DIP2B: variants seen among roughly 807,000 people sequenced by gnomAD.
DIP2B encodes the protein disco-interacting protein 2 homolog B.
Under a neutral mutation model 198.0 loss-of-function variants are expected in DIP2B, and 76 were observed. That is an observed-to-expected ratio of 0.38 (90% CI 0.32 to 0.46). DIP2B has a LOEUF of 0.46. Ranked by LOEUF, DIP2B falls within the 20% of genes least tolerant of loss-of-function variation. The pLI is 0.99. For missense variants in DIP2B, 1,559 were observed against 1,978.4 expected, an observed-to-expected ratio of 0.79 and a Z score of 4.02; for synonymous variants, 701 against 739.1, an observed-to-expected ratio of 0.95 and a Z score of 0.84.
intron 1 of DIP2B, among the ~76,000 whole-genome samples, chr12:50,591,824 C>T (rs531124962): frequency 1.9e-4 from 29 of 151,498 alleles, no homozygotes; most frequent in African/African-American, 3.9e-4. Flanking sequence ...TGCTATTTTA[C>T]GTATCAGGGG....
intron 5 of DIP2B, 55 bp downstream of exon 5, chr12:50,671,453 A>T (rs1938853079): frequency 6.4e-7 from 1 of 1,565,722 alleles, no homozygotes; most frequent in African/African-American, 1.4e-5. Flanking sequence ...GGCTCCCAGT[A>T]TCCAGGAAAT....
intron 21 of DIP2B, 41 bp downstream of exon 21, chr12:50,706,706 A>T (rs1157133687): frequency 1.2e-6 from 2 of 1,603,804 alleles, no homozygotes; most frequent in African/African-American, 1.3e-5. Flanking sequence ...CTTTTAATGG[A>T]ATCTAAATAC....
At chr12:50,576,509 C>A (rs571519519) in intron 1 of DIP2B, among the ~76,000 whole-genome samples, 2 of 149,022 alleles carry the variant, frequency 1.3e-5, no homozygotes, top group Admixed American at 6.7e-5. Context: ...GACCAAGTCT[C>A]GCTCTGTCGC....
intron 1 of DIP2B, among the ~76,000 whole-genome samples, chr12:50,556,142 T>C (rs1958469103): frequency 6.6e-6 from 1 of 151,918 alleles, no homozygotes; most frequent in South Asian, 2.1e-4. Flanking sequence ...CTCTGCCTCC[T>C]GGGTTCAAGC....
At chr12:50,550,719 ATAC>A in intron 1 of DIP2B, among the ~76,000 whole-genome samples, 1 of 152,186 alleles carries the variant, frequency 6.6e-6, no homozygotes, top group East Asian at 1.9e-4. Context: ...CAGTTAGTAA[ATAC>A]TACTGTAGCC....
intron 18 of DIP2B, 32 bp from the exon 19 acceptor site, chr12:50,699,034 T>C (rs778751682): frequency 1.2e-6 from 2 of 1,603,834 alleles, no homozygotes; most frequent in Non-Finnish European, 8.5e-7. Context: ...TCTAGAATCT[T>C]TGTCCTTTAA....
At chr12:50,563,208 A>C (rs559251663) in intron 1 of DIP2B, among the ~76,000 whole-genome samples, 3 of 152,096 alleles carry the variant, frequency 2.0e-5, no homozygotes, top group Non-Finnish European at 4.4e-5. Context: ...TTCTTCTGAG[A>C]TATGGTCTCT....
intron 36 of DIP2B, among the ~76,000 whole-genome samples, chr12:50,740,191 C>T (rs1285387795): frequency 6.6e-6 from 1 of 152,234 alleles, no homozygotes; most frequent in African/African-American, 2.4e-5. Context: ...CTATATCCTG[C>T]ACTTGAAGAA....
At chr12:50,617,056 T>G (rs2253376) in intron 1 of DIP2B, among the ~76,000 whole-genome samples, 145,689 of 152,236 alleles carry the variant, frequency 0.96, 70,051 homozygotes, top group East Asian at 1. Context: ...AAATTTACAT[T>G]TAAAGGATAG....
chr12:50,705,856 C>T (rs1257676166), intron 20 of DIP2B, among the ~76,000 whole-genome samples: 1 of 152,136 alleles, frequency 6.6e-6, no homozygotes, highest in African/African-American at 2.4e-5. Flanking sequence ...GAAATAACTG[C>T]TAGGTAGGTG....
intron 1 of DIP2B, among the ~76,000 whole-genome samples, chr12:50,611,103 A>G (rs1959028173): frequency 6.6e-6 from 1 of 152,190 alleles, no homozygotes; most frequent in South Asian, 2.1e-4. Context: ...TGGCCGATGT[A>G]AATATCTTTA....
At chr12:50,654,386 A>G (rs1235047727) in intron 3 of DIP2B, among the ~76,000 whole-genome samples, 1 of 150,330 alleles carries the variant, frequency 6.7e-6, no homozygotes, top group African/African-American at 2.4e-5. Context: ...ATAGAGTGTA[A>G]CTCTGTTGCC....
chr12:50,616,118 G>C (rs922633864), intron 1 of DIP2B, among the ~76,000 whole-genome samples: 4 of 152,338 alleles, frequency 2.6e-5, no homozygotes, highest in African/African-American at 7.2e-5. Flanking sequence ...CCATTTGTAA[G>C]AAGTCACATA....
intron 1 of DIP2B, among the ~76,000 whole-genome samples, chr12:50,614,817 C>T (rs763610972): frequency 6.6e-6 from 1 of 152,184 alleles, no homozygotes; most frequent in African/African-American, 2.4e-5. Flanking sequence ...TTGGCCTAAG[C>T]GACCTGCTTT....
intron 1 of DIP2B, among the ~76,000 whole-genome samples, chr12:50,611,472 C>T (rs970635749): frequency 2.0e-5 from 3 of 152,076 alleles, no homozygotes; most frequent in East Asian, 1.9e-4. Context: ...CATTGAGGGG[C>T]GTGGGTTGTT....
chr12:50,557,604 T>A (rs151101741), intron 1 of DIP2B, among the ~76,000 whole-genome samples: 1 of 152,210 alleles, frequency 6.6e-6, no homozygotes, highest in African/African-American at 2.4e-5. Flanking sequence ...GCTAATGGGC[T>A]GCTGGGTGGG....
chr12:50,657,223 C>CAAAAAAAAAAAAAA (rs57903571), intron 3 of DIP2B: 1 of 107,048 alleles, frequency 9.3e-6, no homozygotes. Flanking sequence ...TCTCTATTTA[C>CAAAAAAAAAAAAAA]AAAAAAAAAA....
chr12:50,588,136 C>CTTTTTTTTTTTCT (rs11447445), intron 1 of DIP2B, among the ~76,000 whole-genome samples: 1 of 149,170 alleles, frequency 6.7e-6, no homozygotes, highest in Non-Finnish European at 1.5e-5. Flanking sequence ...TACTTCTTTT[C>CTTTTTTTTTTTCT]TTTTTTTTTT....
At chr12:50,548,819 C>T (rs1958399687) in intron 1 of DIP2B, among the ~76,000 whole-genome samples, 1 of 152,246 alleles carries the variant, frequency 6.6e-6, no homozygotes, top group African/African-American at 2.4e-5. Flanking sequence ...GCCACTGCTC[C>T]TGGCCTTGGC....
Sources: allele counts gnomAD v4.1 joint callset (sites outside exome capture counted in the v4.1 genomes callset), GRCh38; gene constraint gnomAD v4.1.1; transcripts MANE v1.5; gene names NCBI Gene and HGNC (gene_info 2026-07-23, HGNC 2026-07-21).